CLIP4: variants seen among roughly 807,000 people sequenced by gnomAD.
CLIP4 encodes the protein CAP-Gly domain-containing linker protein 4.
Under a neutral mutation model 73.1 loss-of-function variants are expected in CLIP4, and 47 were observed. The observed-to-expected ratio is 0.64, with a 90% CI of 0.51 to 0.82. The LOEUF is 0.82. CLIP4 is among the 40% of genes least tolerant of loss of function. The pLI is 0.00. For missense variants in CLIP4, 874 were observed against 852.9 expected (o/e 1.02, Z -0.31); for synonymous variants, 306 against 295.4 (o/e 1.04, Z -0.37).
chr2:29,182,172 C>A lies in CLIP4; in HGVS notation c.*279C>A. 1 of 253,294 alleles carries A rather than the reference C, an allele frequency of 3.9e-6. No individual in the cohort carries two copies. The highest frequency in any genetic ancestry group is 5.2e-5 in the Admixed American group (1 of 19,362). The allele number at this position is 253,294 out of a possible 1,614,324, so 15.7% of individuals were successfully genotyped here. On this transcript the variant is annotated 3_prime_UTR_variant, in exon 16 of 16. Transcript: ENST00000320081. ...AGGAAGAAAAAGTGCCATCAGGTGA[C>A]CAGCTGTTGCATTTCTTGCTTATTC... is the stretch of plus-strand genomic sequence containing the variant.
intron 2 of CLIP4, among the ~76,000 whole-genome samples, chr2:29,124,766 T>C (rs1558520306): frequency 6.6e-6 from 1 of 152,220 alleles, no homozygotes; most frequent in Non-Finnish European, 1.5e-5. Context: ...TTTTCATCTC[T>C]AAAGTTTGCT....
intron 9 of CLIP4, among the ~76,000 whole-genome samples, chr2:29,156,087 G>T (rs1327112553): frequency 3.3e-5 from 5 of 152,190 alleles, no homozygotes; most frequent in Non-Finnish European, 5.9e-5. Context: ...TTCTCAGGAA[G>T]AAATCTGACC....
intron 15 of CLIP4, among the ~76,000 whole-genome samples, chr2:29,178,897 C>T (rs1294995254): frequency 7.2e-5 from 11 of 152,096 alleles, no homozygotes; most frequent in South Asian, 2.1e-4. Flanking sequence ...CGAGTTCAAG[C>T]GATTATCATG....
Position 29,182,370 on chromosome 2 carries a change from A to G in CLIP4, c.*477A>G, listed in dbSNP as rs1229126733. The G allele has an allele frequency of 6.5e-6, 1 of 152,958 alleles. No homozygotes were observed. The highest frequency in any genetic ancestry group is 1.5e-5 in the Non-Finnish European group (1 of 68,264). 9.5% of individuals were successfully genotyped at this position (152,958 alleles called of 1,614,324 possible). A position where few individuals can be genotyped will look rare whatever the true frequency, so the allele number is the denominator to read the frequency against. ...TAAGTCCAATGAGTGAGTAGTAGCT[A>G]GATGACTAGTATGTAGTTTTATATT... On this transcript the variant is annotated 3_prime_UTR_variant, in exon 16 of 16. Coordinates refer to ENST00000320081, the MANE Select transcript of CLIP4 (RefSeq NM_024692.6).
chr2:29,137,227 A>T (rs1014213306), intron 6 of CLIP4, among the ~76,000 whole-genome samples: 2 of 151,858 alleles, frequency 1.3e-5, no homozygotes, highest in African/African-American at 4.8e-5. Flanking sequence ...TCCCATCTTT[A>T]TGTCTGTGTG....
In CLIP4 at chr2:29,173,061, G is replaced by A. The variant is rs72863712; in HGVS notation, c.1724-1312G>A. 2.1e-3 allele frequency among the ~76,000 whole-genome samples: 326 copies of A among 152,110 alleles called. 1 individual carries two copies. Among genetic ancestry groups the A allele is most frequent in the African/African-American group, 7.3e-3 (305 of 41,504 alleles). ...CTGTTTCTGTTGAGACTAACTTATG[G>A]TTTGCCTTCTTTCCTTGTGAGATGC... is the stretch of plus-strand genomic sequence containing the variant. On this transcript the variant is annotated intron_variant, in intron 14 of 15. Coordinates refer to ENST00000320081, the MANE Select transcript of CLIP4 (RefSeq NM_024692.6).
chr2:29,132,317 C>A, intron 4 of CLIP4, 72 bp downstream of exon 4: 1 of 1,259,928 alleles, frequency 7.9e-7, no homozygotes, highest in Non-Finnish European at 1.2e-6. Flanking sequence ...TATTTATGCC[C>A]ATATATTGTC....
rs777389312 is a variant in CLIP4 at position 29,131,311 on chromosome 2, C to T, written c.187C>T (p.Pro63Ser). ...DASCQEILFDPKTSVSELFAI... is the reference protein window; with the variant it reads ...DASCQEILFDSKTSVSELFAI... ...ATCATGCCAGGAAATTCTTTTTGAT[C>T]CCAAAACTTCAGTTTCAGAATTATT... The change falls in exon 3 of 16, where the codon CCC (proline) becomes TCC (serine). Residue 63 changes from proline to serine, a missense_variant. Physicochemically the swap from Pro to Ser is moderately conservative, Grantham distance 74. Transcript: ENST00000320081. The T allele has an allele frequency of 1.9e-6, 3 of 1,609,902 alleles. No individual in the cohort carries two copies. In the South Asian group the frequency reaches 3.3e-5, roughly 18 times the overall value.
At chr2:29,141,211 T>C (rs569935525) in intron 6 of CLIP4, among the ~76,000 whole-genome samples, 11 of 152,302 alleles carry the variant, frequency 7.2e-5, no homozygotes, top group South Asian at 6.2e-4. Context: ...GTGATTTTGA[T>C]TTTTTTGAAT....
intron 6 of CLIP4, among the ~76,000 whole-genome samples, chr2:29,142,136 T>G (rs1665813591): frequency 6.6e-6 from 1 of 152,158 alleles, no homozygotes; most frequent in African/African-American, 2.4e-5. Context: ...GGTAGCAAGT[T>G]TTATTCTTTT....
At chr2:29,100,604 T>C (rs1417454440) in intron 1 of CLIP4, among the ~76,000 whole-genome samples, 1 of 151,902 alleles carries the variant, frequency 6.6e-6, no homozygotes, top group African/African-American at 2.4e-5. Flanking sequence ...AATGCTGTCA[T>C]ATGAGCCATT....
At chr2:29,114,459 C>T (rs1668470105), upstream of CLIP4, 1 of 152,210 alleles carries the variant, frequency 6.6e-6, no homozygotes, top group Non-Finnish European at 1.5e-5. Flanking sequence ...GATTTTAGCT[C>T]CTAAGGTAGA....
intron 1 of CLIP4, among the ~76,000 whole-genome samples, chr2:29,110,349 C>G (rs530137612): frequency 2.6e-5 from 4 of 152,118 alleles, no homozygotes; most frequent in Admixed American, 6.5e-5. Flanking sequence ...TTCCTGGGGT[C>G]TCCAGTGGCT....
At position 29,160,105 on chromosome 2, in the gene CLIP4, C is replaced by T. The variant is rs183444465; in HGVS notation, c.1400-228C>T. On this transcript the variant is annotated intron_variant, in intron 11 of 15. Transcript: ENST00000320081. ...TGAATTTCCCATGGCAGTAATTTTCCCAGGAAACTCTTCACATTTCCTTTG... is the reference window on the plus strand; with the variant it reads ...TGAATTTCCCATGGCAGTAATTTTCTCAGGAAACTCTTCACATTTCCTTTG... Among the ~76,000 whole-genome samples the T allele has an allele frequency of 2.6e-5, 4 of 152,270 alleles. No individual in the cohort carries two copies. The East Asian group carries it at 5.8e-4, about 22-fold the overall frequency.
rs1304801446 is a variant in CLIP4, at chr2:29,132,245, G to C, written c.367G>C (p.Gly123Arg). ...YTCKSGAHGI[G>R]DVETAVKFAT... ...CTGCAAATCTGGAGCTCATGGTATT[G>C]GTAAGTGTGTGGTAAATCTATCAGT... The change falls in exon 4 of 16, where the codon GGT becomes CGT. Residue 123 changes from glycine (G) to arginine (R), a missense_variant and splice_region_variant. Transcript: ENST00000320081. 1 of 1,609,914 alleles carries C rather than the reference G, an allele frequency of 6.2e-7. No individual in the cohort carries two copies. The highest frequency in any genetic ancestry group is 1.3e-5 in the African/African-American group (1 of 74,912).
chr2:29,174,481 A>G lies in CLIP4; in HGVS notation c.1796+36A>G, dbSNP rs775006913. ...AGAAGATTTAGAAAAACACCTTTCA[A>G]GATGAACATGATGGGATTCTGTGAA... On this transcript the variant is annotated intron_variant, in intron 15 of 15. Transcript: ENST00000320081. 1.3e-5 allele frequency: 21 copies of G among 1,598,796 alleles called. No homozygotes were observed. The Admixed American group carries it at 3.7e-4, about 28-fold the overall frequency.
intron 4 of CLIP4, among the ~76,000 whole-genome samples, chr2:29,133,077 G>T (rs1665092916): frequency 6.6e-6 from 1 of 152,046 alleles, no homozygotes; most frequent in Admixed American, 6.6e-5. Flanking sequence ...AGTTTCAGCT[G>T]CTTGCGAGGC....
rs563022888 is a variant in CLIP4 at position 29,168,425 on chromosome 2, T to C, written c.1723+885T>C. ...CGAGGTCATTACTTGTCTTTTAATATTTTTATTTATTGTTTTTGGTGTCTT... is the reference window on the plus strand; with the variant it reads ...CGAGGTCATTACTTGTCTTTTAATACTTTTATTTATTGTTTTTGGTGTCTT... On this transcript the variant is annotated intron_variant, in intron 14 of 15. Transcript: ENST00000320081. Among the ~76,000 whole-genome samples, 196 of 152,002 alleles carry C rather than the reference T, an allele frequency of 1.3e-3. 2 individuals are homozygous for C. The highest frequency in any genetic ancestry group is 2.6e-3 in the Admixed American group (40 of 15,256).
At chr2:29,157,176 C>A in intron 10 of CLIP4, 28 bp from the exon 11 acceptor site, 1 of 1,602,614 alleles carries the variant, frequency 6.2e-7, no homozygotes, top group East Asian at 2.2e-5. Context: ...TATTTTCCAC[C>A]GTTTGACACG....
Sources: allele counts gnomAD v4.1 joint callset (sites outside exome capture counted in the v4.1 genomes callset), GRCh38; gene constraint gnomAD v4.1.1; transcripts MANE v1.5; gene names NCBI Gene and HGNC (gene_info 2026-07-23, HGNC 2026-07-21).